GALNT17: variants seen among roughly 807,000 people sequenced by gnomAD.
GALNT17 encodes the protein UDP-GalNAc:polypeptide N-acetylgalactosaminyltransferase-like 3.
A neutral mutation model predicts 63.7 loss-of-function variants in GALNT17; 29 were observed. That is an observed-to-expected ratio of 0.46 (90% CI 0.34 to 0.62). GALNT17 has a LOEUF of 0.62. Ranked by LOEUF, GALNT17 falls within the 20% of genes least tolerant of loss-of-function variation. GALNT17 has a pLI of 0.01. For missense variants in GALNT17, 603 were observed against 799.6 expected (o/e 0.75, Z 2.97); for synonymous variants, 305 against 318.3 (o/e 0.96, Z 0.45).
chr7:71,134,181 C>T (rs1417486049), intron 1 of GALNT17, among the ~76,000 whole-genome samples: 3 of 152,256 alleles, frequency 2.0e-5, no homozygotes. Flanking sequence ...CCTCTGTAAT[C>T]GGAATAATAA....
At chr7:71,244,759 G>T (rs922162575) in intron 1 of GALNT17, among the ~76,000 whole-genome samples, 1 of 152,020 alleles carries the variant, frequency 6.6e-6, no homozygotes, top group Non-Finnish European at 1.5e-5. Flanking sequence ...GACCAGCCTG[G>T]GCAACATAGT....
chr7:71,315,210 C>T (rs1791479539), intron 1 of GALNT17, among the ~76,000 whole-genome samples: 1 of 152,182 alleles, frequency 6.6e-6, no homozygotes, highest in Admixed American at 6.5e-5. Flanking sequence ...TACTTCCTTT[C>T]TTTTTATAGT....
At chr7:71,592,670 C>A (rs918930599) in intron 6 of GALNT17, among the ~76,000 whole-genome samples, 2 of 152,064 alleles carry the variant, frequency 1.3e-5, no homozygotes, top group Admixed American at 1.3e-4. Context: ...AACCTGGATT[C>A]ATGCATAAAA....
chr7:71,581,480 C>T (rs942152147), intron 6 of GALNT17, among the ~76,000 whole-genome samples: 8 of 152,178 alleles, frequency 5.3e-5, no homozygotes, highest in Non-Finnish European at 8.8e-5. Flanking sequence ...CATCAGATCT[C>T]GTGAGAACTC....
chr7:71,544,013 G>T (rs1299841617), intron 5 of GALNT17, among the ~76,000 whole-genome samples: 2 of 151,620 alleles, frequency 1.3e-5, no homozygotes, highest in Non-Finnish European at 2.9e-5. Context: ...GGCTGGTCTC[G>T]AACTCCTGAC....
chr7:71,665,029 G>T (rs376429922), intron 6 of GALNT17, among the ~76,000 whole-genome samples: 1 of 152,200 alleles, frequency 6.6e-6, no homozygotes, highest in South Asian at 2.1e-4. Context: ...CCAGGCTGGC[G>T]TGAAGTGGCA....
chr7:71,337,950 C>T (rs1257458198), intron 2 of GALNT17, among the ~76,000 whole-genome samples: 1 of 152,132 alleles, frequency 6.6e-6, no homozygotes, highest in Non-Finnish European at 1.5e-5. Context: ...AATCCTAGCC[C>T]TTTGGGAAGC....
At position 71,500,293 on chromosome 7, in the gene GALNT17, G is replaced by A. The variant is rs541767518; in HGVS notation, c.963-70992G>A. On this transcript the variant is annotated intron_variant, in intron 5 of 10. Coordinates refer to ENST00000333538, the MANE Select transcript of GALNT17 (RefSeq NM_022479.3). ...TGTCCTCCCATAGTGTTTAGCGAAG[G>A]GCTCCAAAAACAGCAGGCACTCAAT... Among the ~76,000 whole-genome samples the A allele has an allele frequency of 5.9e-5, 9 of 152,146 alleles. No individual in the cohort carries two copies. The South Asian group carries it at 1.9e-3, about 32-fold the overall frequency.
chr7:71,443,301 A>G (rs920541999), intron 5 of GALNT17, among the ~76,000 whole-genome samples: 1 of 152,050 alleles, frequency 6.6e-6, no homozygotes, highest in East Asian at 1.9e-4. Flanking sequence ...TTTGTGATCA[A>G]GGGGAAGCAT....
chr7:71,555,823 T>G (rs1223054547), intron 5 of GALNT17, among the ~76,000 whole-genome samples: 1 of 152,252 alleles, frequency 6.6e-6, no homozygotes, highest in African/African-American at 2.4e-5. Flanking sequence ...CTGCTGTCCT[T>G]AATATCTAAA....
At chr7:71,658,281 C>T (rs373011646) in intron 6 of GALNT17, among the ~76,000 whole-genome samples, 3 of 152,290 alleles carry the variant, frequency 2.0e-5, no homozygotes, top group East Asian at 1.9e-4. Context: ...ACTAAACCAA[C>T]GTGCCACTGA....
chr7:71,469,682 T>C (rs1395496051), intron 5 of GALNT17, among the ~76,000 whole-genome samples: 1 of 152,232 alleles, frequency 6.6e-6, no homozygotes, highest in Non-Finnish European at 1.5e-5. Context: ...CATCTGTTTA[T>C]ACATCCAGTT....
At chr7:71,259,730 C>T (rs1484951287) in intron 1 of GALNT17, among the ~76,000 whole-genome samples, 1 of 151,428 alleles carries the variant, frequency 6.6e-6, no homozygotes, top group Non-Finnish European at 1.5e-5. Context: ...CAAGCTCCGC[C>T]TCCCGGGTTC....
intron 1 of GALNT17, among the ~76,000 whole-genome samples, chr7:71,234,527 G>A (rs577723364): frequency 6.6e-6 from 1 of 152,254 alleles, no homozygotes; most frequent in Admixed American, 6.5e-5. Context: ...GCCTCCCAAA[G>A]TGTTAAGATT....
chr7:71,564,278 CTTTTTTTTTTTTT>C (rs10539122), intron 5 of GALNT17, among the ~76,000 whole-genome samples: 11 of 98,012 alleles, frequency 1.1e-4, no homozygotes, highest in African/African-American at 3.5e-4. Flanking sequence ...CTTTTCTTTT[CTTTTTTTTTTTTT>C]TTTTTTTTTT....
At chr7:71,707,027 A>G (rs547828919) in intron 9 of GALNT17, among the ~76,000 whole-genome samples, 1 of 152,354 alleles carries the variant, frequency 6.6e-6, no homozygotes, top group African/African-American at 2.4e-5. Context: ...GCACCCAGCC[A>G]GGTGACCAGA....
At chr7:71,374,274 C>G (rs762077892) in intron 2 of GALNT17, among the ~76,000 whole-genome samples, 1 of 152,178 alleles carries the variant, frequency 6.6e-6, no homozygotes, top group African/African-American at 2.4e-5. Flanking sequence ...TGACTCTGAG[C>G]CTCAATTTTC....
intron 6 of GALNT17, among the ~76,000 whole-genome samples, chr7:71,575,546 A>ATG: frequency 6.6e-6 from 1 of 151,906 alleles, no homozygotes; most frequent in Admixed American, 6.6e-5. Flanking sequence ...CTGCCACCTC[A>ATG]CCCGGCTAAG....
At chr7:71,452,329 T>G (rs1220225802) in intron 5 of GALNT17, among the ~76,000 whole-genome samples, 1 of 152,006 alleles carries the variant, frequency 6.6e-6, no homozygotes. Context: ...GAGGATCACT[T>G]GAGGTCAGGA....
Sources: gnomAD v4.1 joint callset for allele counts (sites outside exome capture counted in the v4.1 genomes callset) on GRCh38, gnomAD v4.1.1 for gene constraint, MANE v1.5 for transcripts, NCBI Gene and HGNC (gene_info 2026-07-23, HGNC 2026-07-21) for gene names.